The following FAM110B variants were observed in gnomAD, a reference collection of about 807,000 sequenced individuals.
The protein encoded by FAM110B is family with sequence similarity 110 member B, also known as protein FAM110B.
A neutral mutation model predicts 20.4 loss-of-function variants in FAM110B; 6 were observed. The ratio of observed to expected loss-of-function variants is 0.29; its 90% CI spans 0.16 to 0.58. The LOEUF (loss-of-function observed/expected upper bound fraction) is 0.58. FAM110B is among the 20% of genes least tolerant of loss of function. FAM110B has a pLI of 0.90. For synonymous variants in FAM110B, 226 were observed against 214.1 expected, an observed-to-expected ratio of 1.06 and a Z score of -0.49; for missense variants, 434 against 498.2, an observed-to-expected ratio of 0.87 and a Z score of 1.23.
rs534893591 is a variant in FAM110B, at chr8:58,034,873, G to A, written c.-414+3170G>A. The stretch of plus-strand genomic sequence containing the variant: ...TGGTAAAGTAAAAATAGCACTATCA[G>A]CAAATGTGTTCAGAATGGGACAGAC... On this transcript the variant is annotated intron_variant, in intron 2 of 3. Coordinates refer to ENST00000519262, the MANE Select transcript of FAM110B (RefSeq NM_001377989.1). Among the ~76,000 whole-genome samples the A allele has an allele frequency of 3.7e-4, 57 of 152,294 alleles. 2 individuals are homozygous for A. Among genetic ancestry groups the A allele is most frequent in the Middle Eastern group, 6.8e-3 (2 of 292 alleles).
chr8:58,019,574 G>A lies in FAM110B; in HGVS notation c.-511-12032G>A, dbSNP rs1386929185. Among the ~76,000 whole-genome samples, 4 of 151,850 alleles carry A rather than the reference G, an allele frequency of 2.6e-5. No homozygotes were observed. The East Asian group carries it at 5.8e-4, about 22-fold the overall frequency. On this transcript the variant is annotated intron_variant, in intron 1 of 3. Coordinates refer to ENST00000519262, the MANE Select transcript of FAM110B (RefSeq NM_001377989.1). ...TAACTTTCTTAGCTTTCATTTAGCC[G>A]AAAACTTCTTGAATTTGCCTTCATT... is the stretch of plus-strand genomic sequence containing the variant.
Position 58,147,018 on chromosome 8 carries a change from T to C in FAM110B, c.788T>C (p.Leu263Ser). The change falls in exon 4 of 4, where the codon TTG becomes TCG. Residue 263 changes from leucine to serine, a missense_variant. Leu to Ser is a moderately radical substitution (Grantham distance 145, BLOSUM62 -2). This residue lies in a region of FAM110B where 284 missense variants were observed against 278.3 expected (regional missense o/e 1.02). Coordinates refer to ENST00000519262, the MANE Select transcript of FAM110B (RefSeq NM_001377989.1). ...TCCCTCCAGCGGTCTAAGTCAGACT[T>C]GAGTGACAGATATTTCCGAGTGGAC... ...RPSLQRSKSD[L>S]SDRYFRVDAD... The C allele has an allele frequency of 6.2e-7, 1 of 1,614,166 alleles. No homozygotes were observed.
chr8:58,111,525 A>T (rs1807057087), intron 3 of FAM110B, among the ~76,000 whole-genome samples: 1 of 152,220 alleles, frequency 6.6e-6, no homozygotes, highest in Non-Finnish European at 1.5e-5. Flanking sequence ...AGTCTAAAAC[A>T]TTAGACATCT....
chr8:58,093,605 A>G (rs965450429), intron 3 of FAM110B, among the ~76,000 whole-genome samples: 1 of 152,172 alleles, frequency 6.6e-6, no homozygotes, highest in Non-Finnish European at 1.5e-5. Flanking sequence ...CCATTGGTCT[A>G]TACATCTGTT....
At chr8:58,128,373 G>A (rs1403151052) in intron 3 of FAM110B, among the ~76,000 whole-genome samples, 1 of 152,080 alleles carries the variant, frequency 6.6e-6, no homozygotes, top group African/African-American at 2.4e-5. Context: ...CTCACATCAA[G>A]TGCTCTCAGA....
At chr8:58,107,583 C>G (rs1806950449) in intron 3 of FAM110B, among the ~76,000 whole-genome samples, 3 of 152,186 alleles carry the variant, frequency 2.0e-5, no homozygotes, top group Admixed American at 2.0e-4. Context: ...TGTCTTGTGT[C>G]ATTCAACCCT....
At chr8:58,096,336 C>T (rs200302669) in intron 3 of FAM110B, among the ~76,000 whole-genome samples, 5 of 152,214 alleles carry the variant, frequency 3.3e-5, no homozygotes, top group East Asian at 1.9e-4. Context: ...CCACCACACC[C>T]GGCTAATTTT....
chr8:58,018,711 C>T (rs774566489), intron 1 of FAM110B, among the ~76,000 whole-genome samples: 33 of 152,012 alleles, frequency 2.2e-4, no homozygotes, highest in Non-Finnish European at 4.3e-4. Context: ...TCTTGCCTCA[C>T]TTTGGCTTAA....
Position 58,135,657 on chromosome 8 carries a change from G to C in FAM110B, c.-324-10250G>C, listed in dbSNP as rs905122626. Among the ~76,000 whole-genome samples, 43 of 152,172 alleles carry C rather than the reference G, an allele frequency of 2.8e-4. 1 individual carries two copies. ...TAGAGTACAAGTTTACACAGCTAAA[G>C]GAGAAAGCAGTAACATGCAAAGTGC... On this transcript the variant is annotated intron_variant, in intron 3 of 3. Coordinates refer to ENST00000519262, the MANE Select transcript of FAM110B (RefSeq NM_001377989.1).
At chr8:58,046,919 A>C (rs976426243) in intron 2 of FAM110B, among the ~76,000 whole-genome samples, 1 of 152,204 alleles carries the variant, frequency 6.6e-6, no homozygotes, top group Non-Finnish European at 1.5e-5. Flanking sequence ...AATTTGTACT[A>C]TAGGACATAG....
chr8:58,126,105 A>C (rs1401885613), intron 3 of FAM110B, among the ~76,000 whole-genome samples: 1 of 152,090 alleles, frequency 6.6e-6, no homozygotes, highest in Non-Finnish European at 1.5e-5. Flanking sequence ...AAAACCACTA[A>C]ATCTGTTCTC....
At chr8:58,062,833 C>T (rs534127258) in intron 2 of FAM110B, among the ~76,000 whole-genome samples, 13 of 152,326 alleles carry the variant, frequency 8.5e-5, no homozygotes, top group African/African-American at 2.2e-4. Flanking sequence ...CTGGCCATAT[C>T]TTCCAAGTAT....
At chr8:58,001,706 G>A (rs546259711) in intron 1 of FAM110B, among the ~76,000 whole-genome samples, 5 of 152,108 alleles carry the variant, frequency 3.3e-5, no homozygotes, top group African/African-American at 1.2e-4. Context: ...TAAGCATACC[G>A]GCATATTAGC....
At chr8:58,123,693 A>T (rs1207896218) in intron 3 of FAM110B, among the ~76,000 whole-genome samples, 1 of 152,198 alleles carries the variant, frequency 6.6e-6, no homozygotes, top group Non-Finnish European at 1.5e-5. Context: ...GATATGGTAA[A>T]GATTTTATAC....
chr8:58,100,827 C>G (rs2150610762), intron 3 of FAM110B: 1 of 152,322 alleles, frequency 6.6e-6, no homozygotes, highest in East Asian at 1.9e-4. Flanking sequence ...AGAACTTACA[C>G]TAATGAATTT....
Position 57,997,497 on chromosome 8 carries a change from C to T in FAM110B, c.-512+2691C>T, listed in dbSNP as rs1185758046. Among the ~76,000 whole-genome samples, 4 of 152,190 alleles carry T rather than the reference C, an allele frequency of 2.6e-5. No homozygotes were observed. In the East Asian group the frequency reaches 7.7e-4, roughly 29 times the overall value. On this transcript the variant is annotated intron_variant, in intron 1 of 3. Transcript: ENST00000519262. ...CTGAGCCTAGAGATCTCCAACTAAT[C>T]TGAACTTTTTTTCATACTTAACTTT...
intron 2 of FAM110B, among the ~76,000 whole-genome samples, chr8:58,064,072 C>T (rs965186080): frequency 6.6e-6 from 1 of 152,150 alleles, no homozygotes; most frequent in African/African-American, 2.4e-5. Context: ...AGGTGCCACA[C>T]ATTTTTAAAC....
At position 57,994,611 on chromosome 8, in the gene FAM110B, G is replaced by C. The variant is rs1396969853; in HGVS notation, c.-707G>C. On this transcript the variant is annotated 5_prime_UTR_variant, in exon 1 of 4. Transcript: ENST00000519262. ...CCAGCCGGGCCCTTCGCGGCCGCGC[G>C]TCCTGGGCCCGTTCCGCCAGCCCCG... 6.6e-6 allele frequency: 1 copy of C among 152,318 alleles called. No individual in the cohort carries two copies. The highest frequency in any genetic ancestry group is 1.5e-5 in the Non-Finnish European group (1 of 68,212). 9.4% of individuals were successfully genotyped at this position (152,318 alleles called of 1,614,324 possible). A position where few individuals can be genotyped will look rare whatever the true frequency, so the allele number is the denominator to read the frequency against.
At chr8:58,038,681 G>A (rs879345591) in intron 2 of FAM110B, among the ~76,000 whole-genome samples, 14 of 152,042 alleles carry the variant, frequency 9.2e-5, no homozygotes, top group Non-Finnish European at 1.5e-4. Context: ...GAACCTGGGA[G>A]GCAAAGGTTG....
Sources: allele counts gnomAD v4.1 joint callset (sites outside exome capture counted in the v4.1 genomes callset), GRCh38; gene constraint gnomAD v4.1.1; regional missense constraint gnomAD v4.1.1; transcripts MANE v1.5; gene names NCBI Gene and HGNC (gene_info 2026-07-23, HGNC 2026-07-21).